PCGF2: variants seen among roughly 807,000 people sequenced by gnomAD.
The protein encoded by PCGF2 is polycomb group ring finger 2, also known as polycomb group RING finger protein 2.
PCGF2 carries 8 observed loss-of-function variants against 36.1 expected under a neutral mutation model. The ratio of observed to expected loss-of-function variants is 0.22; its 90% confidence interval spans 0.13 to 0.40. PCGF2 has a LOEUF of 0.40. PCGF2 is among the 10% of genes least tolerant of loss of function. The pLI, the probability that PCGF2 is intolerant of heterozygous loss-of-function variation, is 1.00. For missense variants in PCGF2, 436 were observed against 475.9 expected (o/e 0.92, Z 0.78); for synonymous variants, 198 against 191.2 (o/e 1.04, Z -0.29).
rs780384111 is a variant in PCGF2, at chr17:38,739,687, G to A, written c.113-5C>T. The A allele has an allele frequency of 2.9e-5, 46 of 1,611,650 alleles. No individual in the cohort carries two copies. Among genetic ancestry groups the A allele is most frequent in the Non-Finnish European group, 3.7e-5 (44 of 1,177,932 alleles). On this transcript the variant is annotated splice_polypyrimidine_tract_variant and splice_region_variant and intron_variant, in intron 3 of 10. Coordinates refer to ENST00000620225, the MANE Select transcript of PCGF2 (RefSeq NM_007144.3). This position sits in a 1 kb window ranked among gnomAD's most constrained non-coding sequence, Gnocchi z 4.0. ...GCACGATGCAGGTTTTGCAGACTTG[G>A]GGGTGTGGAGAGAGAGAGGAGAGTC...
At chr17:38,745,053 A>G (rs1349438326) in intron 2 of PCGF2, among the ~76,000 whole-genome samples, 1 of 151,984 alleles carries the variant, frequency 6.6e-6, no homozygotes, top group East Asian at 1.9e-4. Context: ...TCTCTACTAA[A>G]AATACATGGT....
rs376819988 is a variant in PCGF2 at position 38,739,554 on chromosome 17, C to T, written c.209+32G>A. The stretch of plus-strand genomic sequence containing the variant: ...GATGGGGGAGGCTGACCCAGAGGAT[C>T]GCGGGGACAGGAGGTGCCGTGCCAA... On this transcript the variant is annotated intron_variant, in intron 4 of 10. Transcript: ENST00000620225. The surrounding 1 kb of genome is among the most constrained non-coding windows in gnomAD (Gnocchi z 4.0). 55 of 1,515,718 alleles carry T rather than the reference C, an allele frequency of 3.6e-5. No homozygotes were observed. The African/African-American group carries it at 4.3e-4, about 12-fold the overall frequency. 93.9% of individuals were successfully genotyped at this position (1,515,718 alleles called of 1,614,324 possible).
Position 38,738,742 on chromosome 17 carries a change from G to A in PCGF2, c.425+11C>T. On this transcript the variant is annotated intron_variant, in intron 7 of 10. Transcript: ENST00000620225. ...AGGAACCCAGAAGGGGCCAGCCTGG[G>A]CCAGACTTGCCTGGCACCTTCGTAG... The A allele has an allele frequency of 6.2e-7, 1 of 1,607,172 alleles. No homozygotes were observed.
At position 38,748,314 on chromosome 17, in the gene PCGF2, G is replaced by C. The variant is rs913583874; in HGVS notation, c.-252C>G. On this transcript the variant is annotated 5_prime_UTR_variant, in exon 1 of 11. Coordinates refer to ENST00000620225, the MANE Select transcript of PCGF2 (RefSeq NM_007144.3). The stretch of plus-strand genomic sequence containing the variant: ...GGCGGCGGGAGGGGAGAAACCTACG[G>C]TAAGAAAGGAGTTTGTGAAAGCGGC... 2.9e-5 allele frequency: 4 copies of C among 136,280 alleles called. No homozygotes were observed. The highest frequency in any genetic ancestry group is 6.3e-5 in the Non-Finnish European group (4 of 63,346). The allele number at this position is 136,280 out of a possible 1,614,324, so 8.4% of individuals were successfully genotyped here.
At chr17:38,749,442 C>A (rs1247265980), upstream of PCGF2, 2 of 348,816 alleles carry the variant, frequency 5.7e-6, no homozygotes, top group Non-Finnish European at 1.2e-5. The surrounding 1 kb of genome is among the most constrained non-coding windows in gnomAD (Gnocchi z 6.5). Flanking sequence ...CCGGGAGTAG[C>A]GGTGAGGCCG....
Position 38,735,072 on chromosome 17 carries a change from T to C in PCGF2, c.*151A>G, listed in dbSNP as rs1447221599. 3 of 475,326 alleles carry C rather than the reference T, an allele frequency of 6.3e-6. No individual in the cohort carries two copies. Among genetic ancestry groups the C allele is most frequent in the East Asian group, 7.0e-5 (2 of 28,718 alleles). 29.4% of individuals were successfully genotyped at this position (475,326 alleles called of 1,614,324 possible). A position where few individuals can be genotyped will look rare whatever the true frequency, so the allele number is the denominator to read the frequency against. ...AAGTATGTATATTTGGTTTTTCCTA[T>C]GTACATATATATATATATTTATTTA... is the stretch of plus-strand genomic sequence containing the variant. On this transcript the variant is annotated 3_prime_UTR_variant, in exon 11 of 11. Coordinates refer to ENST00000620225, the MANE Select transcript of PCGF2 (RefSeq NM_007144.3).
At position 38,739,734 on chromosome 17, in the gene PCGF2, G is replaced by T; in HGVS notation, c.113-52C>A. The T allele has an allele frequency of 1.5e-6, 2 of 1,333,386 alleles. No individual in the cohort carries two copies. Among genetic ancestry groups the T allele is most frequent in the East Asian group, 2.3e-5 (1 of 43,568 alleles). The allele number at this position is 1,333,386 out of a possible 1,614,324, so 82.6% of individuals were successfully genotyped here. ...AGTCAGAGCCAACTTCCAACTCCAG[G>T]ACCAGCCTCCCCGCCCTCTGCTCAG... On this transcript the variant is annotated intron_variant, in intron 3 of 10. Transcript: ENST00000620225. This position sits in a 1 kb window ranked among gnomAD's most constrained non-coding sequence, Gnocchi z 4.0.
intron 2 of PCGF2, among the ~76,000 whole-genome samples, chr17:38,743,079 A>G (rs887349564): frequency 2.0e-5 from 3 of 148,022 alleles, no homozygotes; most frequent in Non-Finnish European, 3.0e-5. Context: ...TGTGTTTTCA[A>G]AGCAGACACT....
intron 9 of PCGF2, among the ~76,000 whole-genome samples, chr17:38,736,884 C>T (rs904563463): frequency 4.0e-5 from 6 of 151,870 alleles, no homozygotes; most frequent in African/African-American, 1.2e-4. Flanking sequence ...AGGCCAAGTG[C>T]GGTGGCTCAA....
upstream of PCGF2, chr17:38,748,339 C>G (rs1198719038): frequency 4.0e-5 from 3 of 74,170 alleles, no homozygotes; most frequent in East Asian, 1.4e-3. Flanking sequence ...GTGAAAGCGG[C>G]TTGGGGTGGG....
chr17:38,737,476 A>G (rs911351843), intron 9 of PCGF2, among the ~76,000 whole-genome samples: 2 of 152,152 alleles, frequency 1.3e-5, no homozygotes, highest in African/African-American at 2.4e-5. Flanking sequence ...AAAACAAAAA[A>G]TCAATGCCTG....
chr17:38,735,413 G>A lies in PCGF2; in HGVS notation c.845C>T (p.Pro282Leu). ...TSSSLPSPAT[P>L]SHGSPSSHGP... ...ATGGGAACTGGGAGAGCCATGGGAT[G>A]GGGTGGCTGGGCTGGGCAGGGAGGA... Residue 282 changes from proline to leucine, a missense_variant, in exon 11 of 11, where the codon CCA becomes CTA. Physicochemically the swap from Pro to Leu is moderately conservative, Grantham distance 98. Transcript: ENST00000620225. 1 of 1,574,042 alleles carries A rather than the reference G, an allele frequency of 6.4e-7. No individual in the cohort carries two copies. The highest frequency in any genetic ancestry group is 8.6e-7 in the Non-Finnish European group (1 of 1,159,200).
upstream of PCGF2, chr17:38,749,588 A>T (rs1261277578): frequency 2.2e-6 from 1 of 453,796 alleles, no homozygotes; most frequent in Admixed American, 2.4e-5. The surrounding 1 kb of genome is among the most constrained non-coding windows in gnomAD (Gnocchi z 6.5). Flanking sequence ...TCGATTATCC[A>T]TCCGGCCAGC....
Position 38,738,710 on chromosome 17 carries a change from C to G in PCGF2, c.425+43G>C, listed in dbSNP as rs117156733. ...GGTCCTGGGTGGGAGAAGGGGTTACCCAGACTAGGAACCCAGAAGGGGCCA... is the reference window on the plus strand; with the variant it reads ...GGTCCTGGGTGGGAGAAGGGGTTACGCAGACTAGGAACCCAGAAGGGGCCA... On this transcript the variant is annotated intron_variant, in intron 7 of 10. Transcript: ENST00000620225. 6.6e-3 allele frequency: 10,496 copies of G among 1,582,122 alleles called. 53 individuals are homozygous for G. Among genetic ancestry groups the G allele is most frequent in the Non-Finnish European group, 8.1e-3 (9,318 of 1,151,226 alleles).
Position 38,740,133 on chromosome 17 carries a change from C to T in PCGF2, c.112+158G>A, listed in dbSNP as rs137969915. ...GATGCCCCGCGCCCAGTCGCCCCTG[C>T]GAGGTAGGCCCTCTGTGACCTAAGG... is the stretch of plus-strand genomic sequence containing the variant. On this transcript the variant is annotated intron_variant, in intron 3 of 10. Transcript: ENST00000620225. 5.3e-5 allele frequency among the ~76,000 whole-genome samples: 8 copies of T among 152,380 alleles called. 1 individual carries two copies. Among genetic ancestry groups the T allele is most frequent in the South Asian group, 2.1e-4 (1 of 4,834 alleles).
chr17:38,740,248 C>G (rs1907091939), intron 3 of PCGF2, 43 bp downstream of exon 3: 3 of 1,574,644 alleles, frequency 1.9e-6, no homozygotes, highest in Non-Finnish European at 2.6e-6. Flanking sequence ...AATCTGGGCA[C>G]AGAGGCTGCC....
Position 38,735,180 on chromosome 17 carries a change from G to A in PCGF2, c.*43C>T. ...AAAAAGGGCCCAGAAAAAGTGGAAG[G>A]AGTGGAGAGGCTTGGCTGGAAGAAG... is the stretch of plus-strand genomic sequence containing the variant. On this transcript the variant is annotated 3_prime_UTR_variant, in exon 11 of 11. Transcript: ENST00000620225. 5.3e-6 allele frequency: 7 copies of A among 1,318,616 alleles called. No individual in the cohort carries two copies. The highest frequency in any genetic ancestry group is 6.9e-6 in the Non-Finnish European group (7 of 1,017,686). 81.7% of individuals were successfully genotyped at this position (1,318,616 alleles called of 1,614,324 possible).
chr17:38,740,398 T>C lies in PCGF2; in HGVS notation c.5A>G (p.His2Arg). The C allele has an allele frequency of 1.4e-6, 1 of 701,138 alleles. No homozygotes were observed. Among genetic ancestry groups the C allele is most frequent in the Non-Finnish European group, 2.3e-6 (1 of 434,908 alleles). The allele number at this position is 701,138 out of a possible 1,614,324, so 43.4% of individuals were successfully genotyped here. A position where few individuals can be genotyped will look rare whatever the true frequency, so the allele number is the denominator to read the frequency against. Reference protein sequence around the residue: MHRTTRIKITEL... With the variant: MRRTTRIKITEL... Reference sequence around the variant, plus strand: ...TGTGATTTTGATCCGTGTAGTCCGATGCATGATTCCGGGGTCGGGGGTGGG... The same window carrying C: ...TGTGATTTTGATCCGTGTAGTCCGACGCATGATTCCGGGGTCGGGGGTGGG... Residue 2 changes from histidine (H) to arginine (R), a missense_variant, in exon 3 of 11, where the codon CAT becomes CGT. His to Arg is a conservative substitution (Grantham distance 29). Transcript: ENST00000620225.
Position 38,735,076 on chromosome 17 carries a change from C to CATAT in PCGF2, c.*143_*146dup, listed in dbSNP as rs557470857. ...ATGTATATTTGGTTTTTCCTATGTACATATATATATATATTTATTTATAAA... is the reference window on the plus strand; with the variant it reads ...ATGTATATTTGGTTTTTCCTATGTACATATATATATATATATATTTATTTATAAA... On this transcript the variant is annotated 3_prime_UTR_variant, in exon 11 of 11. Coordinates refer to ENST00000620225, the MANE Select transcript of PCGF2 (RefSeq NM_007144.3). 8.4e-6 allele frequency: 4 copies of CATAT among 474,334 alleles called. No homozygotes were observed. Among genetic ancestry groups the CATAT allele is most frequent in the Non-Finnish European group, 1.4e-5 (4 of 281,314 alleles). 29.4% of individuals were successfully genotyped at this position (474,334 alleles called of 1,614,324 possible). A position where few individuals can be genotyped will look rare whatever the true frequency, so the allele number is the denominator to read the frequency against.
Sources: gnomAD v4.1 joint callset for allele counts (sites outside exome capture counted in the v4.1 genomes callset) on GRCh38, gnomAD v4.1.1 for gene constraint, Gnocchi (gnomAD v3.1) non-coding constraint, MANE v1.5 for transcripts, NCBI Gene and HGNC (gene_info 2026-07-23, HGNC 2026-07-21) for gene names.